SPHKAP: variants seen among roughly 807,000 people sequenced by gnomAD.
SPHKAP encodes SPHK1 interactor, AKAP domain containing, also known as A-kinase anchor protein SPHKAP.
Under a neutral mutation model 137.5 loss-of-function variants are expected in SPHKAP, and 67 were observed. The ratio of observed to expected loss-of-function variants is 0.49; its 90% CI spans 0.40 to 0.60. The LOEUF (loss-of-function observed/expected upper bound fraction) is 0.60, where lower values mean the gene tolerates loss of function less well. Ranked by LOEUF, SPHKAP falls within the 20% of genes least tolerant of loss-of-function variation. The probability of loss-of-function intolerance (pLI) is 0.00; values close to 1 mark genes in which losing one functional copy is unlikely to be tolerated. For missense variants in SPHKAP, 2,097 were observed against 2,069.3 expected, an observed-to-expected ratio of 1.01 and a Z score of -0.26; for synonymous variants, 813 against 785.3, an observed-to-expected ratio of 1.04 and a Z score of -0.59.
chr2:228,167,758 C>T (rs1157890334), intron 1 of SPHKAP, among the ~76,000 whole-genome samples: 6 of 151,616 alleles, frequency 4.0e-5, no homozygotes, highest in African/African-American at 1.5e-4. Flanking sequence ...GCTTGTAGGA[C>T]AAAAAGAAAT....
intron 3 of SPHKAP, among the ~76,000 whole-genome samples, chr2:228,092,305 GTGTA>G (rs1439956585): frequency 9.1e-5 from 9 of 98,492 alleles, no homozygotes; most frequent in Non-Finnish European, 1.9e-4. Flanking sequence ...GCACACACAC[GTGTA>G]TGTGTGTGTA....
intron 3 of SPHKAP, among the ~76,000 whole-genome samples, chr2:228,040,809 C>G (rs1278144084): frequency 8.5e-5 from 13 of 152,064 alleles, no homozygotes; most frequent in Non-Finnish European, 1.5e-4. Context: ...GTGTTATTGT[C>G]TTAGACATTT....
rs1469859567 is a variant in SPHKAP at position 228,001,709 on chromosome 2, T to C, written c.4449-6015A>G. On this transcript the variant is annotated intron_variant, in intron 7 of 11. Coordinates refer to ENST00000392056, the MANE Select transcript of SPHKAP (RefSeq NM_001142644.2). ...ACATTAGGTATATCTCCTAATGCTA[T>C]CCCTCCCCGCTCCCCGCAGCCCACA... Among the ~76,000 whole-genome samples the C allele has an allele frequency of 3.9e-5, 6 of 151,982 alleles. No homozygotes were observed. In the South Asian group the frequency reaches 1.2e-3, roughly 32 times the overall value.
rs145300688 is a variant in SPHKAP at position 228,084,756 on chromosome 2, T to C, written c.246+24076A>G. ...TCCAGTGTGTTTTGGCCATTCCTTG[T>C]TCTTTAGATCAAAGGGATCTCTGCT... On this transcript the variant is annotated intron_variant, in intron 3 of 11. Coordinates refer to ENST00000392056, the MANE Select transcript of SPHKAP (RefSeq NM_001142644.2). Among the ~76,000 whole-genome samples, 634 of 152,318 alleles carry C rather than the reference T, an allele frequency of 4.2e-3. 7 individuals are homozygous for C. Among genetic ancestry groups the C allele is most frequent in the African/African-American group, 0.015 (604 of 41,560 alleles).
chr2:228,113,603 A>ATCTCTCTCTCTCTCTCTCTC lies in SPHKAP; in HGVS notation c.139-4684_139-4665dup, dbSNP rs139499722. Reference sequence around the variant, plus strand: ...CAAATCCCAGTCTATGCATTTAGCCATCTCTCTCTCTCTCTCTCTCTCTCT... The same window carrying ATCTCTCTCTCTCTCTCTCTC: ...CAAATCCCAGTCTATGCATTTAGCCATCTCTCTCTCTCTCTCTCTCTCTCTCTCTCTCTCTCTCTCTCTCT... On this transcript the variant is annotated intron_variant, in intron 2 of 11. Transcript: ENST00000392056. Among the ~76,000 whole-genome samples, 166 of 97,962 alleles carry ATCTCTCTCTCTCTCTCTCTC rather than the reference A, an allele frequency of 1.7e-3. 8 individuals are homozygous for ATCTCTCTCTCTCTCTCTCTC. Among genetic ancestry groups the ATCTCTCTCTCTCTCTCTCTC allele is most frequent in the East Asian group, 3.5e-3 (11 of 3,114 alleles). The allele number at this position is 97,962 out of a possible 152,430, so 64.3% of individuals were successfully genotyped here. A position where few individuals can be genotyped will look rare whatever the true frequency, so the allele number is the denominator to read the frequency against.
chr2:228,156,921 T>C (rs1305506437), intron 1 of SPHKAP, among the ~76,000 whole-genome samples: 1 of 152,138 alleles, frequency 6.6e-6, no homozygotes, highest in Non-Finnish European at 1.5e-5. Flanking sequence ...TAAACCTCTT[T>C]CCTTTATAAA....
chr2:227,994,134 AGCATCTGGCTT>A (rs1282581331), intron 8 of SPHKAP: 7 of 950,874 alleles, frequency 7.4e-6, no homozygotes, highest in Non-Finnish European at 8.8e-6. Context: ...TCATAGGCTG[AGCATCTGGCTT>A]GCTATTTTCC....
chr2:228,181,573 A>G lies in SPHKAP; in HGVS notation c.26T>C (p.Val9Ala). The G allele has an allele frequency of 1.9e-6, 3 of 1,614,204 alleles. No individual in the cohort carries two copies. The highest frequency in any genetic ancestry group is 2.5e-6 in the Non-Finnish European group (3 of 1,180,032). MDGNSLLS[V>A]PSNLESSRMY... is the part of the protein sequence containing the mutation. ...AGAAAGAAGCGGGTCTTACCTTGGT[A>G]CCGAGAGCAGGGAGTTGCCATCCAT... The change falls in exon 1 of 12, where the codon GTA (valine) becomes GCA (alanine). Residue 9 changes from valine to alanine, a missense_variant. Physicochemically the swap from Val to Ala is moderately conservative, Grantham distance 64. Transcript: ENST00000392056. This position sits in a 1 kb window ranked among gnomAD's most constrained non-coding sequence, Gnocchi z 4.3.
At chr2:228,174,907 A>T (rs932220632) in intron 1 of SPHKAP, among the ~76,000 whole-genome samples, 6 of 152,128 alleles carry the variant, frequency 3.9e-5, no homozygotes, top group African/African-American at 1.4e-4. Context: ...AATGTAAAAC[A>T]TGGTAACCAG....
At chr2:228,002,241 GA>G (rs1236581678) in intron 7 of SPHKAP, among the ~76,000 whole-genome samples, 1 of 152,102 alleles carries the variant, frequency 6.6e-6, no homozygotes, top group African/African-American at 2.4e-5. Flanking sequence ...GTTGTTTCCT[GA>G]CTTTTTAATG....
intron 3 of SPHKAP, among the ~76,000 whole-genome samples, chr2:228,066,807 T>C (rs945062684): frequency 6.6e-6 from 1 of 152,232 alleles, no homozygotes; most frequent in Non-Finnish European, 1.5e-5. Flanking sequence ...CACAAACTTA[T>C]GGGATCACAT....
intron 1 of SPHKAP, chr2:228,173,091 T>A (rs1700634176): frequency 1.0e-6 from 1 of 985,236 alleles, no homozygotes; most frequent in Non-Finnish European, 1.2e-6. Context: ...TCTTGAATAA[T>A]CTTTAGTTGT....
chr2:228,039,013 AACAG>A (rs771538243), intron 3 of SPHKAP, among the ~76,000 whole-genome samples: 12 of 152,252 alleles, frequency 7.9e-5, no homozygotes, highest in Non-Finnish European at 1.0e-4. Context: ...TTTGCTAAAA[AACAG>A]ACAAAGACAA....
At chr2:228,126,927 A>G (rs1353912898) in intron 2 of SPHKAP, among the ~76,000 whole-genome samples, 1 of 152,176 alleles carries the variant, frequency 6.6e-6, no homozygotes, top group African/African-American at 2.4e-5. Context: ...GTCAATTTGC[A>G]ATTTTTTTCA....
intron 7 of SPHKAP, among the ~76,000 whole-genome samples, chr2:227,999,453 A>G (rs1297451416): frequency 6.6e-6 from 1 of 152,226 alleles, no homozygotes; most frequent in African/African-American, 2.4e-5. Flanking sequence ...GCCAAGAACC[A>G]GATACAAAGG....
chr2:228,065,308 A>G (rs1457765985), intron 3 of SPHKAP, among the ~76,000 whole-genome samples: 3 of 152,248 alleles, frequency 2.0e-5, no homozygotes, highest in African/African-American at 7.2e-5. Flanking sequence ...GCTTGAAAGT[A>G]GAGCAAAATC....
intron 2 of SPHKAP, among the ~76,000 whole-genome samples, chr2:228,122,359 T>G (rs10180608): frequency 0.34 from 51,824 of 151,678 alleles, 9,099 homozygotes; most frequent in East Asian, 0.5. Flanking sequence ...ACAGTGAAAA[T>G]GATGCTCAAG....
At chr2:228,170,923 A>G (rs1249793596) in intron 1 of SPHKAP, among the ~76,000 whole-genome samples, 1 of 152,144 alleles carries the variant, frequency 6.6e-6, no homozygotes, top group Non-Finnish European at 1.5e-5. Context: ...CAGAGTTAAG[A>G]ATACTAGAAA....
chr2:228,128,992 C>A (rs1699164341), intron 2 of SPHKAP, among the ~76,000 whole-genome samples: 1 of 152,096 alleles, frequency 6.6e-6, no homozygotes, highest in African/African-American at 2.4e-5. Flanking sequence ...AGTAAATGAG[C>A]ATTGGCCGTC....
Sources: allele counts gnomAD v4.1 joint callset (sites outside exome capture counted in the v4.1 genomes callset), GRCh38; gene constraint gnomAD v4.1.1; non-coding constraint Gnocchi (gnomAD v3.1); transcripts MANE v1.5; gene names NCBI Gene and HGNC (gene_info 2026-07-23, HGNC 2026-07-21).